Variants in EIF2B3 observed in about 807,000 individuals in gnomAD.
EIF2B3 encodes the protein translation initiation factor eIF2B subunit gamma.
EIF2B3 carries 20 observed loss-of-function variants against 54.1 expected under a neutral mutation model. That is an observed-to-expected ratio of 0.37 (90% CI 0.26 to 0.54). The LOEUF is 0.54. EIF2B3 is among the 20% of genes least tolerant of loss of function. The pLI, the probability that EIF2B3 is intolerant of heterozygous loss-of-function variation, is 0.86. For missense variants in EIF2B3, 448 were observed against 547.8 expected (o/e 0.82, Z 1.82); for synonymous variants, 153 against 188.1 (o/e 0.81, Z 1.52).
chr1:44,934,186 A>C (rs998648667), intron 4 of EIF2B3, among the ~76,000 whole-genome samples: 1 of 152,054 alleles, frequency 6.6e-6, no homozygotes, highest in Non-Finnish European at 1.5e-5. Context: ...TCACGAGGTA[A>C]GGAGTTCAAG....
intron 4 of EIF2B3, among the ~76,000 whole-genome samples, chr1:44,933,446 AAAATT>A (rs1162648101): frequency 6.6e-6 from 1 of 152,126 alleles, no homozygotes; most frequent in Non-Finnish European, 1.5e-5. Flanking sequence ...TAAAGCTAAA[AAAATT>A]AAGACACAGA....
chr1:44,881,508 G>T lies in EIF2B3; in HGVS notation c.784+104C>A. 1 of 1,471,774 alleles carries T rather than the reference G, an allele frequency of 6.8e-7. No homozygotes were observed. The highest frequency in any genetic ancestry group is 9.4e-7 in the Non-Finnish European group (1 of 1,061,882). 91.2% of individuals were successfully genotyped at this position (1,471,774 alleles called of 1,614,324 possible). A position where few individuals can be genotyped will look rare whatever the true frequency, so the allele number is the denominator to read the frequency against. Reference sequence around the variant, plus strand: ...TTGCCTCGTAGGCTAGAAATAGTCTGCTGCCTTGAGTCAGGCATCTTGGGC... The same window carrying T: ...TTGCCTCGTAGGCTAGAAATAGTCTTCTGCCTTGAGTCAGGCATCTTGGGC... On this transcript the variant is annotated intron_variant, in intron 7 of 11. Transcript: ENST00000360403. The surrounding 1 kb of genome is among the most constrained non-coding windows in gnomAD (Gnocchi z 4.0).
At chr1:44,930,700 G>A (rs1370233117) in intron 4 of EIF2B3, among the ~76,000 whole-genome samples, 1 of 152,162 alleles carries the variant, frequency 6.6e-6, no homozygotes, top group African/African-American at 2.4e-5. Flanking sequence ...GAGTGCAGTG[G>A]TGCAACCTTG....
intron 3 of EIF2B3, among the ~76,000 whole-genome samples, chr1:44,952,587 C>T (rs1288954435): frequency 6.7e-6 from 1 of 148,552 alleles, no homozygotes; most frequent in Non-Finnish European, 1.5e-5. Context: ...CAGAGCCTCA[C>T]TGTCACCCAG....
At chr1:44,915,310 A>ATT (rs1643600089) in intron 5 of EIF2B3, among the ~76,000 whole-genome samples, 1 of 151,960 alleles carries the variant, frequency 6.6e-6, no homozygotes. Flanking sequence ...AAAAAAAAAA[A>ATT]ATTATTATTA....
At chr1:44,937,027 T>G (rs1643955463) in intron 4 of EIF2B3, among the ~76,000 whole-genome samples, 1 of 152,242 alleles carries the variant, frequency 6.6e-6, no homozygotes, top group Non-Finnish European at 1.5e-5. Flanking sequence ...ATAGACCTTG[T>G]GCTCTTAACA....
At chr1:44,906,894 T>C (rs1643423436) in intron 5 of EIF2B3, among the ~76,000 whole-genome samples, 1 of 152,170 alleles carries the variant, frequency 6.6e-6, no homozygotes, top group Non-Finnish European at 1.5e-5. Context: ...CTTACTCCTG[T>C]TTACCTGGAT....
chr1:44,879,628 C>T (rs1482854257), intron 8 of EIF2B3, among the ~76,000 whole-genome samples, 190 bp downstream of exon 8: 1 of 152,146 alleles, frequency 6.6e-6, no homozygotes, highest in Non-Finnish European at 1.5e-5. Flanking sequence ...GACTATGGAC[C>T]AGGCCCCCTG....
At chr1:44,951,459 G>A (rs866226967) in intron 3 of EIF2B3, among the ~76,000 whole-genome samples, 1 of 90,188 alleles carries the variant, frequency 1.1e-5, no homozygotes. Flanking sequence ...TGGTGGTCTC[G>A]TTTACACAGC....
At chr1:44,868,791 C>T (rs558160591) in intron 10 of EIF2B3, among the ~76,000 whole-genome samples, 1 of 152,174 alleles carries the variant, frequency 6.6e-6, no homozygotes, top group Non-Finnish European at 1.5e-5. Context: ...AAGTGTAGTT[C>T]TGGTTTAAGA....
At chr1:44,870,189 AGAG>A (rs1654920984) in intron 10 of EIF2B3, among the ~76,000 whole-genome samples, 1 of 151,820 alleles carries the variant, frequency 6.6e-6, no homozygotes, top group South Asian at 2.1e-4. Flanking sequence ...AGAGAGAGAG[AGAG>A]AGAGAGAGAG....
intron 5 of EIF2B3, among the ~76,000 whole-genome samples, chr1:44,897,726 T>C (rs528506124): frequency 4.5e-4 from 68 of 151,818 alleles, no homozygotes; most frequent in Admixed American, 1.3e-3. Context: ...CTTCTTCTAT[T>C]TGATCGTTAA....
chr1:44,912,512 TCTC>T (rs1643536609), intron 5 of EIF2B3, among the ~76,000 whole-genome samples: 1 of 152,198 alleles, frequency 6.6e-6, no homozygotes, highest in South Asian at 2.1e-4. Context: ...CTCAGCCTTA[TCTC>T]CTCAAGTTTC....
intron 10 of EIF2B3, among the ~76,000 whole-genome samples, chr1:44,873,591 AT>A (rs1655029253): frequency 6.6e-6 from 1 of 152,056 alleles, no homozygotes; most frequent in South Asian, 2.1e-4. Flanking sequence ...TATACAGGTT[AT>A]GTATCCCTTA....
intron 10 of EIF2B3, among the ~76,000 whole-genome samples, chr1:44,858,533 G>A (rs950896182): frequency 6.6e-6 from 1 of 151,854 alleles, no homozygotes; most frequent in African/African-American, 2.4e-5. Flanking sequence ...GTAGTGGCAC[G>A]ATCTTGGCTC....
intron 6 of EIF2B3, among the ~76,000 whole-genome samples, chr1:44,890,452 G>GA (rs1266227063): frequency 6.6e-6 from 1 of 151,804 alleles, no homozygotes; most frequent in Admixed American, 6.6e-5. Flanking sequence ...AAAATATTTT[G>GA]AAAAAAATAA....
intron 3 of EIF2B3, among the ~76,000 whole-genome samples, chr1:44,942,916 C>G (rs1644053312): frequency 6.6e-6 from 1 of 151,866 alleles, no homozygotes; most frequent in Admixed American, 6.6e-5. Flanking sequence ...AGTGCACTGG[C>G]AAGATCTCGG....
rs1030562142 is a variant in EIF2B3 at position 44,881,405 on chromosome 1, T to G, written c.784+207A>C. Among the ~76,000 whole-genome samples the G allele has an allele frequency of 1.3e-5, 2 of 152,198 alleles. No homozygotes were observed. The highest frequency in any genetic ancestry group is 2.9e-5 in the Non-Finnish European group (2 of 68,024). Reference sequence around the variant, plus strand: ...CAGAGAATGGGGCTGGAGGCATGATTAGCCTGTTGCCGAGAGCACAGTGGC... The same window carrying G: ...CAGAGAATGGGGCTGGAGGCATGATGAGCCTGTTGCCGAGAGCACAGTGGC... On this transcript the variant is annotated intron_variant, in intron 7 of 11. Transcript: ENST00000360403. This position sits in a 1 kb window ranked among gnomAD's most constrained non-coding sequence, Gnocchi z 4.0.
chr1:44,917,923 G>A (rs1412070238), intron 5 of EIF2B3, among the ~76,000 whole-genome samples: 5 of 149,020 alleles, frequency 3.4e-5, no homozygotes, highest in Middle Eastern at 3.5e-3. Flanking sequence ...ACAGGCGCCT[G>A]CCACCACGCC....
Sources: allele counts gnomAD v4.1 joint callset (sites outside exome capture counted in the v4.1 genomes callset), GRCh38; gene constraint gnomAD v4.1.1; non-coding constraint Gnocchi (gnomAD v3.1); transcripts MANE v1.5; gene names NCBI Gene and HGNC (gene_info 2026-07-23, HGNC 2026-07-21).